Variants in EPHA2 observed in about 807,000 individuals in gnomAD.
EPHA2 encodes the protein EPH receptor A2.
In EPHA2, 54 loss-of-function variants were observed where a neutral mutation model predicts 104.9. The ratio of observed to expected loss-of-function variants is 0.51; its 90% CI spans 0.41 to 0.65. EPHA2 has a LOEUF of 0.65. Ranked by LOEUF, EPHA2 falls within the 30% of genes least tolerant of loss-of-function variation. The pLI, the probability that EPHA2 is intolerant of heterozygous loss-of-function variation, is 0.00. For missense variants in EPHA2, 1,117 were observed against 1,369.5 expected (o/e 0.82, Z 2.91); for synonymous variants, 560 against 559.1 (o/e 1.00, Z -0.02).
At chr1:16,129,260 A>G (rs770523465) in intron 16 of EPHA2, among the ~76,000 whole-genome samples, 174 bp downstream of exon 16, 36 of 151,810 alleles carry the variant, frequency 2.4e-4, no homozygotes, top group Non-Finnish European at 5.0e-4. Flanking sequence ...GGGCACCCAG[A>G]GCTGCCAGCT....
At chr1:16,153,134 A>AAAAAAAGC (rs2025075588) in intron 1 of EPHA2, 1 of 984,162 alleles carries the variant, frequency 1.0e-6, no homozygotes, top group Non-Finnish European at 1.2e-6. Context: ...TGGGGGGAAA[A>AAAAAAAGC]AAAAAAAGCA....
In EPHA2 at chr1:16,138,297, G is replaced by A; in HGVS notation, c.957C>T (p.Asp319=). 6.2e-7 allele frequency: 1 copy of A among 1,613,616 alleles called. No individual in the cohort carries two copies. The highest frequency in any genetic ancestry group is 8.5e-7 in the Non-Finnish European group (1 of 1,179,916). The part of the protein sequence containing the change: ...CEEGFFRAPQ[D]PASMPCTRPP... The stretch of plus-strand genomic sequence containing the variant: ...CACGTGTGCAAGGCATCGACGCTGG[G>A]TCCTGAGGTGCCCGGAAGAAGCCTT... The change falls in exon 4 of 17, where the codon GAC becomes GAT. Residue 319 remains aspartate, a synonymous_variant. Coordinates refer to ENST00000358432, the MANE Select transcript of EPHA2 (RefSeq NM_004431.5).
In EPHA2 at chr1:16,134,918, C is replaced by T. The variant is rs1334051786; in HGVS notation, c.1582+118G>A. 1.1e-5 allele frequency: 16 copies of T among 1,512,384 alleles called. No homozygotes were observed. The highest frequency in any genetic ancestry group is 2.3e-5 in the East Asian group (1 of 44,252). The allele number at this position is 1,512,384 out of a possible 1,614,324, so 93.7% of individuals were successfully genotyped here. On this transcript the variant is annotated intron_variant, in intron 7 of 16. Transcript: ENST00000358432. This position sits in a 1 kb window ranked among gnomAD's most constrained non-coding sequence, Gnocchi z 4.5. ...CAGTCCCCGAAGGGCTGTCCCAGGC[C>T]GCCGGTGACCGAGAAAGGGGCATTT...
intron 1 of EPHA2, chr1:16,153,061 T>C: frequency 1.0e-6 from 1 of 952,902 alleles, no homozygotes; most frequent in Non-Finnish European, 1.2e-6. Context: ...GACGGCTTCC[T>C]GGAGAGGCTT....
intron 3 of EPHA2, among the ~76,000 whole-genome samples, chr1:16,145,547 G>A (rs1569595856): frequency 6.6e-6 from 1 of 152,280 alleles, no homozygotes; most frequent in Non-Finnish European, 1.5e-5. Flanking sequence ...AGGAGCCCCA[G>A]TGAAAGAATC....
At chr1:16,142,387 C>T (rs2024838893) in intron 3 of EPHA2, among the ~76,000 whole-genome samples, 1 of 152,222 alleles carries the variant, frequency 6.6e-6, no homozygotes, top group African/African-American at 2.4e-5. Flanking sequence ...CAGGAGCTTC[C>T]GTGAGACCAG....
At position 16,153,215 on chromosome 1, in the gene EPHA2, C is replaced by T. The variant is rs141812580; in HGVS notation, c.86-2252G>A. On this transcript the variant is annotated intron_variant, in intron 1 of 16. Coordinates refer to ENST00000358432, the MANE Select transcript of EPHA2 (RefSeq NM_004431.5). ...TTTGTGGGTCCACATTGCTCCACAG[C>T]TTCTTCCACAAATGCAGGACTGCCA... 3.9e-4 allele frequency: 389 copies of T among 985,416 alleles called. 1 individual carries two copies. The African/African-American group carries it at 6.4e-3, about 16-fold the overall frequency. The allele number at this position is 985,416 out of a possible 1,614,324, so 61.0% of individuals were successfully genotyped here. A position where few individuals can be genotyped will look rare whatever the true frequency, so the allele number is the denominator to read the frequency against.
Position 16,125,432 on chromosome 1 carries a change from G to C in EPHA2, c.2826-112C>G, listed in dbSNP as rs1318351169. On this transcript the variant is annotated intron_variant, in intron 16 of 16. Transcript: ENST00000358432. The surrounding 1 kb of genome is among the most constrained non-coding windows in gnomAD (Gnocchi z 4.9). ...CTGGGGAGGGGAGTGGAGGGAGGCA[G>C]AGGAGGAGGGTGGAGAGGGTGCCTT... is the stretch of plus-strand genomic sequence containing the variant. 1.3e-6 allele frequency: 1 copy of C among 778,606 alleles called. No individual in the cohort carries two copies. Among genetic ancestry groups the C allele is most frequent in the African/African-American group, 1.7e-5 (1 of 58,014 alleles). The allele number at this position is 778,606 out of a possible 1,614,324, so 48.2% of individuals were successfully genotyped here. A position where few individuals can be genotyped will look rare whatever the true frequency, so the allele number is the denominator to read the frequency against.
At chr1:16,132,295 G>A (rs1339232774) in intron 12 of EPHA2, 22 bp from the exon 13 acceptor site, 13 of 1,613,878 alleles carry the variant, frequency 8.1e-6, no homozygotes, top group Admixed American at 1.7e-5. Context: ...CAGGCGCTCA[G>A]CTGCAGGCCA....
chr1:16,154,255 G>A (rs1457595406), intron 1 of EPHA2, among the ~76,000 whole-genome samples: 30 of 152,192 alleles, frequency 2.0e-4, no homozygotes, highest in Admixed American at 1.4e-3. Context: ...TTGGTGGGGC[G>A]GATATTGAGG....
In EPHA2 at chr1:16,138,093, C is replaced by T. The variant is rs201941686; in HGVS notation, c.1072G>A (p.Glu358Lys). 83 of 1,610,602 alleles carry T rather than the reference C, an allele frequency of 5.2e-5. No homozygotes were observed. In the Admixed American group the frequency reaches 8.0e-4, roughly 16 times the overall value. The change falls in exon 5 of 17, where the codon GAG becomes AAG. Residue 358 changes from glutamate to lysine, a missense_variant. Around this residue, in one of 3 missense-constraint regions of EPHA2, gnomAD observed 664 missense variants for 784.8 expected, o/e 0.85. Transcript: ENST00000358432. ...CAGGTGACGCTGTAGACAATGTCCT[C>T]GCGGCCCCCGCTGTCCTGAGGGGGC... ...WTPPQDSGGR[E>K]DIVYSVTCEQ...
At position 16,134,307 on chromosome 1, in the gene EPHA2, T is replaced by C. The variant is rs2024638531; in HGVS notation, c.1682+161A>G. ...CCGGCCCCGCCGCGTGCCAGGCACT[T>C]CGCTACACACTCTAACTCGTATATC... On this transcript the variant is annotated intron_variant, in intron 8 of 16. Transcript: ENST00000358432. The surrounding 1 kb of genome is among the most constrained non-coding windows in gnomAD (Gnocchi z 4.5). Among the ~76,000 whole-genome samples the C allele has an allele frequency of 1.3e-5, 2 of 152,082 alleles. No individual in the cohort carries two copies. The highest frequency in any genetic ancestry group is 2.1e-4 in the South Asian group (1 of 4,826).
chr1:16,127,106 G>A (rs143203572), intron 16 of EPHA2, among the ~76,000 whole-genome samples: 232 of 152,214 alleles, frequency 1.5e-3, no homozygotes, highest in South Asian at 2.3e-3. Context: ...CCATATACTC[G>A]GTGAGCTCCT....
rs1011143591 is a variant in EPHA2, at chr1:16,128,970, G to A, written c.2825+464C>T. 6.6e-6 allele frequency among the ~76,000 whole-genome samples: 1 copy of A among 151,802 alleles called. No homozygotes were observed. On this transcript the variant is annotated intron_variant, in intron 16 of 16. Transcript: ENST00000358432. This position sits in a 1 kb window ranked among gnomAD's most constrained non-coding sequence, Gnocchi z 4.7. Reference sequence around the variant, plus strand: ...CTGTTTCTCTACCAATGACCTCTCCGATCCCTGCGCTCTGGGATCCCGACT... The same window carrying A: ...CTGTTTCTCTACCAATGACCTCTCCAATCCCTGCGCTCTGGGATCCCGACT...
rs747608880 is a variant in EPHA2, at chr1:16,134,577, G to T, written c.1583-10C>A. The T allele has an allele frequency of 1.2e-6, 2 of 1,613,634 alleles. No homozygotes were observed. Among genetic ancestry groups the T allele is most frequent in the South Asian group, 2.2e-5 (2 of 90,998 alleles). ...CCAGATCCCTCCGGGGCTGGTGGAA[G>T]AAATCAGCTGATGACAAGGGAGTTC... On this transcript the variant is annotated splice_polypyrimidine_tract_variant and intron_variant, in intron 7 of 16. Coordinates refer to ENST00000358432, the MANE Select transcript of EPHA2 (RefSeq NM_004431.5). The surrounding 1 kb of genome is among the most constrained non-coding windows in gnomAD (Gnocchi z 4.5).
chr1:16,133,166 G>A lies in EPHA2; in HGVS notation c.2053+14C>T, dbSNP rs749742909. 5.6e-6 allele frequency: 9 copies of A among 1,612,576 alleles called. No homozygotes were observed. Among genetic ancestry groups the A allele is most frequent in the Admixed American group, 3.3e-5 (2 of 59,956 alleles). On this transcript the variant is annotated intron_variant, in intron 11 of 16. Transcript: ENST00000358432. ...GCCCCTCTCCACCCAGTGTGGGCAG[G>A]CCCCAAGCCTCACATTTGGAGATGA...
chr1:16,130,215 A>G lies in EPHA2; in HGVS notation c.2669+11T>C, dbSNP rs1277977825. 1.2e-6 allele frequency: 2 copies of G among 1,614,044 alleles called. No homozygotes were observed. Among genetic ancestry groups the G allele is most frequent in the Non-Finnish European group, 1.7e-6 (2 of 1,180,004 alleles). ...ATTGAGGTCATCATGGGCAGAGGGC[A>G]TAGAACTCACCGGGGGTCAAAGTCA... On this transcript the variant is annotated intron_variant, in intron 15 of 16. Transcript: ENST00000358432. This position sits in a 1 kb window ranked among gnomAD's most constrained non-coding sequence, Gnocchi z 4.5.
intron 2 of EPHA2, 130 bp from the exon 3 acceptor site, chr1:16,149,177 G>T: frequency 1.0e-6 from 1 of 996,730 alleles, no homozygotes; most frequent in Non-Finnish European, 1.5e-6. Flanking sequence ...GGAAACTGAG[G>T]CCTGAGGCGG....
rs1325463565 is a variant in EPHA2, at chr1:16,125,990, T to C, written c.2826-670A>G. ...AGTCTTCATGGGTGAGGCTTGCGGG[T>C]CACCAGATCCAGTGACTAGGAAGAT... is the stretch of plus-strand genomic sequence containing the variant. On this transcript the variant is annotated intron_variant, in intron 16 of 16. Coordinates refer to ENST00000358432, the MANE Select transcript of EPHA2 (RefSeq NM_004431.5). This position sits in a 1 kb window ranked among gnomAD's most constrained non-coding sequence, Gnocchi z 4.9. Among the ~76,000 whole-genome samples, 1 of 152,126 alleles carries C rather than the reference T, an allele frequency of 6.6e-6. No homozygotes were observed. The highest frequency in any genetic ancestry group is 2.4e-5 in the African/African-American group (1 of 41,400).
Sources: gnomAD v4.1 joint callset for allele counts (sites outside exome capture counted in the v4.1 genomes callset) on GRCh38, gnomAD v4.1.1 for gene constraint, gnomAD v4.1.1 regional missense constraint, Gnocchi (gnomAD v3.1) non-coding constraint, MANE v1.5 for transcripts, NCBI Gene and HGNC (gene_info 2026-07-23, HGNC 2026-07-21) for gene names.